SEMA3F: variants seen among roughly 807,000 people sequenced by gnomAD.
SEMA3F encodes the protein semaphorin 3F, also known as semaphorin-3F.
SEMA3F carries 30 observed loss-of-function variants against 98.5 expected under a neutral mutation model. That is an observed-to-expected ratio of 0.30 (90% CI 0.23 to 0.41). The LOEUF (loss-of-function observed/expected upper bound fraction) is 0.41. Ranked by LOEUF, SEMA3F falls within the 10% of genes least tolerant of loss-of-function variation. The pLI is 1.00. For missense variants in SEMA3F, 866 were observed against 1,119.3 expected (o/e 0.77, Z 3.23); for synonymous variants, 380 against 444.8 (o/e 0.85, Z 1.83).
intron 12 of SEMA3F, 121 bp from the exon 13 acceptor site, chr3:50,184,471 T>C: frequency 5.6e-6 from 4 of 711,708 alleles, no homozygotes; most frequent in African/African-American, 1.7e-5. Flanking sequence ...GAGAGCGGGT[T>C]TGGGGAGAGG....
At position 50,186,630 on chromosome 3, in the gene SEMA3F, G is replaced by A. The variant is rs745897906; in HGVS notation, c.1831G>A (p.Glu611Lys). 6.3e-7 allele frequency: 1 copy of A among 1,597,866 alleles called. No homozygotes were observed. The highest frequency in any genetic ancestry group is 8.6e-7 in the Non-Finnish European group (1 of 1,166,808). Reference sequence around the variant, plus strand: ...CTCTAAAGCCAACAAGAATGCCGTGGAGTCTGTGCAGTATGGCGTGGCCGG... The same window carrying A: ...CTCTAAAGCCAACAAGAATGCCGTGAAGTCTGTGCAGTATGGCGTGGCCGG... ...FNSNANKNAVESVQYGVAGSA... is the reference protein window; with the variant it reads ...FNSNANKNAVKSVQYGVAGSA... Residue 611 changes from glutamate (E) to lysine (K), a missense_variant, in exon 18 of 19, where the codon GAG becomes AAG. Glu to Lys is a moderately conservative substitution (Grantham distance 56). Coordinates refer to ENST00000002829, the MANE Select transcript of SEMA3F (RefSeq NM_004186.5).
intron 5 of SEMA3F, 135 bp from the exon 6 acceptor site, chr3:50,174,961 C>T (rs923454905): frequency 3.9e-5 from 26 of 667,126 alleles, no homozygotes; most frequent in Admixed American, 1.1e-4. Flanking sequence ...TATGTACACA[C>T]GCATAGACGT....
At chr3:50,169,884 C>T (rs990986413) in intron 2 of SEMA3F, among the ~76,000 whole-genome samples, 11 of 152,186 alleles carry the variant, frequency 7.2e-5, no homozygotes, top group Non-Finnish European at 1.5e-4. Flanking sequence ...GATCTGGCAC[C>T]TGCTGATGGC....
chr3:50,187,422 C>CAAAAAAAAAAAAAA (rs901489365), intron 18 of SEMA3F, among the ~76,000 whole-genome samples: 1 of 58,936 alleles, frequency 1.7e-5, no homozygotes, highest in Non-Finnish European at 3.9e-5. Context: ...GACCTTGTCT[C>CAAAAAAAAAAAAAA]AAAAAAAAAA....
intron 7 of SEMA3F, among the ~76,000 whole-genome samples, chr3:50,180,708 A>G (rs1002725532): frequency 6.6e-6 from 1 of 152,218 alleles, no homozygotes; most frequent in Non-Finnish European, 1.5e-5. Flanking sequence ...AATAATTGCA[A>G]TAGTAACATC....
chr3:50,176,184 G>A (rs1366518648), intron 6 of SEMA3F, among the ~76,000 whole-genome samples: 3 of 152,186 alleles, frequency 2.0e-5, no homozygotes, highest in Non-Finnish European at 4.4e-5. Flanking sequence ...GAGCCTGGGG[G>A]CTGTGCTGAG....
rs1697932098 is a variant in SEMA3F at position 50,155,350 on chromosome 3, C to T, written c.-263C>T. 1.4e-5 allele frequency: 4 copies of T among 295,954 alleles called. No homozygotes were observed. Among genetic ancestry groups the T allele is most frequent in the Admixed American group, 5.2e-5 (1 of 19,274 alleles). The allele number at this position is 295,954 out of a possible 1,614,324, so 18.3% of individuals were successfully genotyped here. A position where few individuals can be genotyped will look rare whatever the true frequency, so the allele number is the denominator to read the frequency against. On this transcript the variant is annotated 5_prime_UTR_variant, in exon 1 of 19. Transcript: ENST00000002829. This position sits in a 1 kb window ranked among gnomAD's most constrained non-coding sequence, Gnocchi z 4.9. ...AGCGCCCCTGAGCCTTCCCATGGCC[C>T]GGGCTGGGGCCCGGGCCCTCGGCTG...
chr3:50,182,981 G>A lies in SEMA3F; in HGVS notation c.981G>A (p.Pro327=), dbSNP rs772034460. ...FLKARLVCSV[P]GEDGIETHFD... ...AGGCGCGGCTCGTCTGCTCTGTCCC[G>A]GGCGAGGATGGCATTGAGACTCACT... The change falls in exon 10 of 19, where the codon CCG becomes CCA. Residue 327 remains proline (P), a synonymous_variant. Coordinates refer to ENST00000002829, the MANE Select transcript of SEMA3F (RefSeq NM_004186.5). The surrounding 1 kb of genome is among the most constrained non-coding windows in gnomAD (Gnocchi z 4.5). The A allele has an allele frequency of 2.2e-5, 36 of 1,613,738 alleles. No individual in the cohort carries two copies. In the African/African-American group the frequency reaches 2.3e-4, roughly 10 times the overall value.
chr3:50,157,720 C>T (rs1698043560), intron 1 of SEMA3F, among the ~76,000 whole-genome samples: 1 of 152,180 alleles, frequency 6.6e-6, no homozygotes, highest in African/African-American at 2.4e-5. Context: ...AAGGCCAAAG[C>T]ATTTGGATGG....
At position 50,187,735 on chromosome 3, in the gene SEMA3F, G is replaced by C; in HGVS notation, c.1978G>C (p.Glu660Gln). Residue 660 changes from glutamate to glutamine, a missense_variant, in exon 19 of 19, where the codon GAG becomes CAG. Glu to Gln is a conservative substitution (Grantham distance 29, BLOSUM62 2). Around this residue, in one of 3 missense-constraint regions of SEMA3F, gnomAD observed 245 missense variants for 260.5 expected, o/e 0.94. Transcript: ENST00000002829. Reference sequence around the variant, plus strand: ...TGCAGAGGACCGCTTCCTGCGCACAGAGCAGGGCTTGTTGCTCCGTGCACT... The same window carrying C: ...TGCAGAGGACCGCTTCCTGCGCACACAGCAGGGCTTGTTGCTCCGTGCACT... ...IRAEDRFLRT[E>Q]QGLLLRALQL... The C allele has an allele frequency of 6.2e-7, 1 of 1,610,282 alleles. No individual in the cohort carries two copies. Among genetic ancestry groups the C allele is most frequent in the Non-Finnish European group, 8.5e-7 (1 of 1,177,716 alleles).
At chr3:50,163,808 C>T (rs766229554) in intron 2 of SEMA3F, among the ~76,000 whole-genome samples, 1 of 152,146 alleles carries the variant, frequency 6.6e-6, no homozygotes, top group African/African-American at 2.4e-5. Context: ...CTGGCAGCTA[C>T]AGTGGGGGTT....
Position 50,184,710 on chromosome 3 carries a change from G to A in SEMA3F, c.1352G>A (p.Arg451Gln), listed in dbSNP as rs145958913. 4.8e-5 allele frequency: 77 copies of A among 1,614,094 alleles called. No individual in the cohort carries two copies. The African/African-American group carries it at 7.3e-4, about 15-fold the overall frequency. The part of the protein sequence containing the change: ...MYQAVYPLQR[R>Q]PLVVRTGAPY... ...CAGGCCGTGTACCCTCTGCAGCGGC[G>A]GCCCCTGGTAGTCCGCACAGGTGCT... Residue 451 changes from arginine (R) to glutamine (Q), a missense_variant, in exon 13 of 19, where the codon CGG (arginine) becomes CAG (glutamine). By Grantham distance (43) the Arg-to-Gln change is conservative (BLOSUM62 1). Transcript: ENST00000002829.
At position 50,182,209 on chromosome 3, in the gene SEMA3F, C is replaced by T; in HGVS notation, c.644-75C>T. On this transcript the variant is annotated intron_variant, in intron 7 of 18. Transcript: ENST00000002829. The surrounding 1 kb of genome is among the most constrained non-coding windows in gnomAD (Gnocchi z 4.5). The stretch of plus-strand genomic sequence containing the variant: ...CCTGAGCGGGGAGATAAGGCCCTGC[C>T]CTGGAAGTCATCTGAGCTGTGCCCT... The T allele has an allele frequency of 6.2e-7, 1 of 1,601,934 alleles. No individual in the cohort carries two copies. Among genetic ancestry groups the T allele is most frequent in the Non-Finnish European group, 8.5e-7 (1 of 1,169,890 alleles).
In SEMA3F at chr3:50,182,495, T is replaced by G; in HGVS notation, c.763+92T>G. The G allele has an allele frequency of 1.3e-6, 2 of 1,592,302 alleles. No individual in the cohort carries two copies. ...AGCACATGTGGGGGAAGTGGGGACA[T>G]GTTTAGCCTATGACTACCTGGGGCA... On this transcript the variant is annotated intron_variant, in intron 8 of 18. Transcript: ENST00000002829. The surrounding 1 kb of genome is among the most constrained non-coding windows in gnomAD (Gnocchi z 4.5).
intron 2 of SEMA3F, among the ~76,000 whole-genome samples, chr3:50,167,034 A>T (rs942090323): frequency 1.3e-5 from 2 of 151,916 alleles, no homozygotes; most frequent in African/African-American, 2.4e-5. Flanking sequence ...CATCCCCTTC[A>T]TACTTCTTGG....
intron 12 of SEMA3F, 154 bp from the exon 13 acceptor site, chr3:50,184,438 G>C: frequency 1.6e-6 from 1 of 644,530 alleles, no homozygotes; most frequent in South Asian, 1.8e-5. Flanking sequence ...ACCTGTAGAG[G>C]TCAGGTGCAG....
intron 12 of SEMA3F, 90 bp downstream of exon 12, chr3:50,183,654 T>C (rs1699101638): frequency 1.8e-5 from 25 of 1,401,178 alleles, no homozygotes; most frequent in Non-Finnish European, 2.4e-5. Context: ...CCCACCATCA[T>C]GGCCCTCCCA....
chr3:50,165,507 G>T (rs549317277), intron 2 of SEMA3F, among the ~76,000 whole-genome samples: 1 of 152,198 alleles, frequency 6.6e-6, no homozygotes, highest in Non-Finnish European at 1.5e-5. Context: ...AGCTCCTGCC[G>T]TGTGTCCTAG....
At chr3:50,186,557 G>T in intron 17 of SEMA3F, 56 bp from the exon 18 acceptor site, 1 of 1,559,790 alleles carries the variant, frequency 6.4e-7, no homozygotes, top group Non-Finnish European at 8.7e-7. Context: ...CCCCGAAGCA[G>T]TCAGCAGGCT....
Sources: allele counts gnomAD v4.1 joint callset (sites outside exome capture counted in the v4.1 genomes callset), GRCh38; gene constraint gnomAD v4.1.1; regional missense constraint gnomAD v4.1.1; non-coding constraint Gnocchi (gnomAD v3.1); transcripts MANE v1.5; gene names NCBI Gene and HGNC (gene_info 2026-07-23, HGNC 2026-07-21).